EIF4G3: variants seen among roughly 807,000 people sequenced by gnomAD.
EIF4G3 encodes the protein eukaryotic translation initiation factor 4 gamma 3.
In EIF4G3, 34 loss-of-function variants were observed where a neutral mutation model predicts 186.4. That is an observed-to-expected ratio of 0.18 (90% CI 0.14 to 0.24). The LOEUF is 0.24. EIF4G3 is among the 10% of genes least tolerant of loss of function. The pLI, the probability that EIF4G3 is intolerant of heterozygous loss-of-function variation, is 1.00. For missense variants in EIF4G3, 1,536 were observed against 1,948.5 expected (o/e 0.79, Z 3.99); for synonymous variants, 673 against 679.5 (o/e 0.99, Z 0.15).
intron 3 of EIF4G3, among the ~76,000 whole-genome samples, chr1:21,059,851 A>C (rs1253507692): frequency 6.6e-6 from 1 of 152,262 alleles, no homozygotes; most frequent in Non-Finnish European, 1.5e-5. Context: ...AACAATGCTA[A>C]CAAATGAAAA....
chr1:21,003,059 A>G (rs1228142443), intron 4 of EIF4G3, among the ~76,000 whole-genome samples: 3 of 151,382 alleles, frequency 2.0e-5, no homozygotes, highest in Non-Finnish European at 4.4e-5. Flanking sequence ...GCAGTGGCAC[A>G]ATCACGGCTC....
chr1:20,951,937 G>GT (rs1490209579), intron 12 of EIF4G3, among the ~76,000 whole-genome samples: 2 of 152,070 alleles, frequency 1.3e-5, no homozygotes, highest in African/African-American at 4.8e-5. Context: ...ATAAAGAGTC[G>GT]TAAGAAAGGA....
At chr1:21,165,480 T>C (rs559517185) in intron 2 of EIF4G3, among the ~76,000 whole-genome samples, 7 of 152,292 alleles carry the variant, frequency 4.6e-5, no homozygotes, top group African/African-American at 1.7e-4. Context: ...CAAATGTCCA[T>C]GGTACATGGA....
At chr1:20,869,204 TAGTCTGA>T (rs2078409931) in intron 20 of EIF4G3, among the ~76,000 whole-genome samples, 1 of 152,140 alleles carries the variant, frequency 6.6e-6, no homozygotes, top group South Asian at 2.1e-4. Context: ...AATCATGTGC[TAGTCTGA>T]AGTAAAGTAT....
chr1:20,846,278 T>G (rs1361162648), intron 29 of EIF4G3, among the ~76,000 whole-genome samples: 2 of 152,192 alleles, frequency 1.3e-5, no homozygotes, highest in Admixed American at 1.3e-4. Flanking sequence ...ATATGCTTTA[T>G]TTCTTTCTCT....
chr1:21,149,300 G>A (rs924624405), intron 2 of EIF4G3, among the ~76,000 whole-genome samples: 7 of 151,842 alleles, frequency 4.6e-5, no homozygotes, highest in Non-Finnish European at 8.8e-5. Flanking sequence ...GAAATTTATC[G>A]AAATACATCA....
chr1:21,066,251 G>C (rs1186595467), intron 3 of EIF4G3, among the ~76,000 whole-genome samples: 1 of 150,952 alleles, frequency 6.6e-6, no homozygotes, highest in Non-Finnish European at 1.5e-5. Context: ...AGGGATGAGG[G>C]GCCAGGCCCT....
intron 14 of EIF4G3, among the ~76,000 whole-genome samples, chr1:20,915,324 T>C (rs907539308): frequency 5.3e-5 from 8 of 152,164 alleles, no homozygotes; most frequent in African/African-American, 1.9e-4. Context: ...TTACACCAAC[T>C]TTCCCAGAAT....
chr1:21,071,877 A>T lies in EIF4G3; in HGVS notation c.-196+17261T>A, dbSNP rs1206692010. ...CTTAAACAGCTACTTCCCAAATGCT[A>T]TTTTCCCAAATAAGTTAAAGACAGA... On this transcript the variant is annotated intron_variant, in intron 3 of 36. Coordinates refer to ENST00000602326, the MANE Select transcript of EIF4G3 (RefSeq NM_001391906.1). Among the ~76,000 whole-genome samples the T allele has an allele frequency of 2.0e-5, 3 of 152,246 alleles. No homozygotes were observed. The East Asian group carries it at 5.8e-4, about 29-fold the overall frequency.
At chr1:21,159,645 C>G (rs1159092853) in intron 2 of EIF4G3, among the ~76,000 whole-genome samples, 1 of 152,002 alleles carries the variant, frequency 6.6e-6, no homozygotes, top group East Asian at 1.9e-4. Context: ...GAGGCTAAGG[C>G]AGGAGAATTG....
chr1:21,149,058 T>A (rs1007796668), intron 2 of EIF4G3, among the ~76,000 whole-genome samples: 3 of 151,532 alleles, frequency 2.0e-5, no homozygotes, highest in African/African-American at 7.3e-5. Context: ...ATCATGCCAT[T>A]GTACTCCAGC....
At chr1:20,906,825 CACACACAA>C (rs1036586165) in intron 14 of EIF4G3, among the ~76,000 whole-genome samples, 1 of 151,620 alleles carries the variant, frequency 6.6e-6, no homozygotes, top group Non-Finnish European at 1.5e-5. Context: ...CACACACACA[CACACACAA>C]ACACACACAC....
chr1:20,953,030 T>G (rs776630965), intron 12 of EIF4G3, among the ~76,000 whole-genome samples: 1 of 152,166 alleles, frequency 6.6e-6, no homozygotes, highest in African/African-American at 2.4e-5. Flanking sequence ...TTTTGATACA[T>G]ATGAAGAAAT....
chr1:21,070,498 C>T (rs1490327467), intron 3 of EIF4G3, among the ~76,000 whole-genome samples: 2 of 152,018 alleles, frequency 1.3e-5, no homozygotes, highest in Non-Finnish European at 2.9e-5. Flanking sequence ...GAGATCTTTC[C>T]AAGTCAATAA....
chr1:21,162,649 A>G (rs760291317), intron 2 of EIF4G3, among the ~76,000 whole-genome samples: 6 of 152,018 alleles, frequency 3.9e-5, no homozygotes, highest in Admixed American at 6.6e-5. Flanking sequence ...AGGCTGAGGA[A>G]GGACAGGAGA....
chr1:20,922,597 T>C (rs933210691), intron 14 of EIF4G3, among the ~76,000 whole-genome samples: 9 of 152,336 alleles, frequency 5.9e-5, no homozygotes, highest in African/African-American at 2.2e-4. Flanking sequence ...ACGTCCAGCA[T>C]TCAAGGTCTA....
chr1:20,911,968 G>C (rs918542973), intron 14 of EIF4G3, among the ~76,000 whole-genome samples: 5 of 152,098 alleles, frequency 3.3e-5, no homozygotes, highest in African/African-American at 1.2e-4. Context: ...CTGCACTCCA[G>C]CCTGGATGAC....
intron 4 of EIF4G3, among the ~76,000 whole-genome samples, chr1:21,040,837 C>T (rs2093529195): frequency 6.6e-6 from 1 of 152,196 alleles, no homozygotes; most frequent in Non-Finnish European, 1.5e-5. Context: ...GTAAAAACAG[C>T]TGAGTCTTGG....
intron 14 of EIF4G3, among the ~76,000 whole-genome samples, chr1:20,913,490 A>G (rs2093491421): frequency 6.6e-6 from 1 of 152,190 alleles, no homozygotes; most frequent in African/African-American, 2.4e-5. Flanking sequence ...TGATCGTATT[A>G]CTGTACCCCA....
Sources: gnomAD v4.1 joint callset for allele counts (sites outside exome capture counted in the v4.1 genomes callset) on GRCh38, gnomAD v4.1.1 for gene constraint, MANE v1.5 for transcripts, NCBI Gene and HGNC (gene_info 2026-07-23, HGNC 2026-07-21) for gene names.